CEACAM20: variants seen among roughly 807,000 people sequenced by gnomAD.
The protein encoded by CEACAM20 is cell adhesion molecule CEACAM20.
In CEACAM20, 50 loss-of-function variants were observed where a neutral mutation model predicts 61.2. The ratio of observed to expected loss-of-function variants is 0.82; its 90% CI spans 0.65 to 1.03. The LOEUF is 1.03. CEACAM20 is among the 50% of genes least tolerant of loss of function. The pLI is 0.00. For synonymous variants in CEACAM20, 282 were observed against 287.7 expected (o/e 0.98, Z 0.20); for missense variants, 683 against 736.4 (o/e 0.93, Z 0.84).
intron 11 of CEACAM20, among the ~76,000 whole-genome samples, chr19:44,507,133 A>G (rs1414412250): frequency 1.3e-5 from 2 of 152,174 alleles, no homozygotes; most frequent in Non-Finnish European, 2.9e-5. Flanking sequence ...GGGAATGTTA[A>G]TGTACCACTT....
chr19:44,519,031 T>C (rs1971274555), intron 5 of CEACAM20, among the ~76,000 whole-genome samples: 1 of 152,176 alleles, frequency 6.6e-6, no homozygotes, highest in African/African-American at 2.4e-5. Context: ...CCATCCTTGT[T>C]ACACTCTCTC....
In CEACAM20 at chr19:44,522,709, C is replaced by T. The variant is rs766649226; in HGVS notation, c.676G>A (p.Gly226Ser). 18 of 1,613,658 alleles carry T rather than the reference C, an allele frequency of 1.1e-5. 1 individual carries two copies. In the South Asian group the frequency reaches 1.8e-4, roughly 16 times the overall value. Residue 226 changes from glycine (G) to serine (S), a missense_variant, in exon 4 of 12, where the codon GGC (glycine) becomes AGC (serine). Physicochemically the swap from Gly to Ser is moderately conservative, Grantham distance 56. Transcript: ENST00000614924. ...TIHAVSREHE[G>S]LYRCLVSNSA... ...TTGGACACCAAGCACCTGTACAGGC[C>T]CTCATGTTCTCTGGACACAGCATGG...
intron 11 of CEACAM20, among the ~76,000 whole-genome samples, chr19:44,509,375 A>C (rs963514303): frequency 6.6e-6 from 1 of 151,970 alleles, no homozygotes; most frequent in Non-Finnish European, 1.5e-5. Flanking sequence ...AAAAAAACAG[A>C]AAAGGGGGGA....
rs1971323451 is a variant in CEACAM20, at chr19:44,520,526, G to A, written c.978C>T (p.Val326=). 1.2e-6 allele frequency: 2 copies of A among 1,613,954 alleles called. No homozygotes were observed. The highest frequency in any genetic ancestry group is 1.7e-6 in the Non-Finnish European group (2 of 1,179,908). Residue 326 remains valine, a synonymous_variant, in exon 5 of 12, where the codon GTC becomes GTT. Transcript: ENST00000614924. ...TCCGGGCCCGGCTGCCCCAGTTCCA[G>A]ACCTCACAGGCATAGGGCCCGGTGT... is the stretch of plus-strand genomic sequence containing the variant. ...RNDTGPYACE[V]WNWGSRARSE...
At chr19:44,510,912 G>A in intron 11 of CEACAM20, 118 bp downstream of exon 11, 1 of 1,263,608 alleles carries the variant, frequency 7.9e-7, no homozygotes, top group Admixed American at 2.5e-5. Context: ...GAATTGAGAA[G>A]ATTTTTAAAG....
intron 5 of CEACAM20, among the ~76,000 whole-genome samples, chr19:44,518,083 AAAGAAAGAAAGAAAGAAAGAAAGGAAGG>A (rs1971226025): frequency 1.1e-5 from 1 of 89,576 alleles, no homozygotes; most frequent in Non-Finnish European, 1.9e-5. Flanking sequence ...AGGAAAGAGG[AAAGAAAGAAAGAAAGAAAGAAAGGAAGG>A]AAGGAAGGAA....
Position 44,524,148 on chromosome 19 carries a change from T to G in CEACAM20, c.310A>C (p.Asn104His), listed in dbSNP as rs762752235. 6.5e-5 allele frequency: 105 copies of G among 1,613,622 alleles called. 1 individual carries two copies. The highest frequency in any genetic ancestry group is 8.5e-7 in the Non-Finnish European group (1 of 1,179,806). Residue 104 changes from asparagine (N) to histidine (H), a missense_variant, in exon 3 of 12, where the codon AAC becomes CAC. Asn to His is a moderately conservative substitution (Grantham distance 68). Coordinates refer to ENST00000614924, the MANE Select transcript of CEACAM20 (RefSeq NM_001102597.3). ...TCATGGAACACAATGGAGAGGTTGT[T>G]GGAAACCCAGTGGATGGTAATGTTG... is the stretch of plus-strand genomic sequence containing the variant. Reference protein sequence around the residue: ...DVNITIHWVSNNLSIVFHERM... With the variant: ...DVNITIHWVSHNLSIVFHERM...
At chr19:44,514,294 C>G (rs1971091822) in intron 6 of CEACAM20, among the ~76,000 whole-genome samples, 1 of 152,198 alleles carries the variant, frequency 6.6e-6, no homozygotes, top group South Asian at 2.1e-4. Context: ...GCCCATCTCA[C>G]TTCTGCCTGA....
chr19:44,516,818 T>G, intron 6 of CEACAM20, 128 bp downstream of exon 6: 1 of 1,034,238 alleles, frequency 9.7e-7, no homozygotes, highest in South Asian at 1.6e-5. Flanking sequence ...AGCTGTGGAC[T>G]GAGAACCTGC....
At chr19:44,523,014 C>T in intron 3 of CEACAM20, 102 bp from the exon 4 acceptor site, 3 of 1,005,636 alleles carry the variant, frequency 3.0e-6, no homozygotes, top group South Asian at 3.2e-5. Context: ...CCCTCCTCCC[C>T]ACTCAAAGGC....
chr19:44,522,474 A>G (rs1971394341), intron 4 of CEACAM20, among the ~76,000 whole-genome samples, 160 bp downstream of exon 4: 1 of 152,110 alleles, frequency 6.6e-6, no homozygotes, highest in African/African-American at 2.4e-5. Flanking sequence ...TTCCTCTAGA[A>G]CACAGCGCAA....
At position 44,524,171 on chromosome 19, in the gene CEACAM20, T is replaced by C. The variant is rs1410200755; in HGVS notation, c.287A>G (p.Asn96Ser). The C allele has an allele frequency of 3.7e-6, 6 of 1,613,862 alleles. No individual in the cohort carries two copies. The highest frequency in any genetic ancestry group is 8.5e-7 in the Non-Finnish European group (1 of 1,179,884). The change falls in exon 3 of 12, where the codon AAC (asparagine) becomes AGC (serine). Residue 96 changes from asparagine to serine, a missense_variant. Physicochemically the swap from Asn to Ser is conservative, Grantham distance 46 (BLOSUM62 1). Coordinates refer to ENST00000614924, the MANE Select transcript of CEACAM20 (RefSeq NM_001102597.3). ...GTTGGAAACCCAGTGGATGGTAATG[T>C]TGACGTCCTTAGTGGTGCAGTAGAA... The part of the protein sequence containing the change: ...VTFYCTTKDV[N>S]ITIHWVSNNL...
At chr19:44,518,102 G>GAA (rs1971231896) in intron 5 of CEACAM20, among the ~76,000 whole-genome samples, 1 of 93,300 alleles carries the variant, frequency 1.1e-5, no homozygotes, top group Non-Finnish European at 1.9e-5. Flanking sequence ...AAGAAAGAAA[G>GAA]AAAGGAAGGA....
In CEACAM20 at chr19:44,508,836, T is replaced by A. The variant is rs550109009; in HGVS notation, c.1737+2194A>T. 2.0e-5 allele frequency among the ~76,000 whole-genome samples: 3 copies of A among 152,350 alleles called. No individual in the cohort carries two copies. The South Asian group carries it at 6.2e-4, about 32-fold the overall frequency. On this transcript the variant is annotated intron_variant, in intron 11 of 11. Transcript: ENST00000614924. ...ACTTTTTACCCATATATTGACTTCT[T>A]GCTATTGTTAAAAATATTTTTTCTG...
chr19:44,523,805 T>C (rs77615597), intron 3 of CEACAM20, among the ~76,000 whole-genome samples, 181 bp downstream of exon 3: 1 of 152,098 alleles, frequency 6.6e-6, no homozygotes, highest in African/African-American at 2.4e-5. Context: ...TGTACCTCGT[T>C]TGCTTCACAT....
At chr19:44,519,980 C>G (rs1414863857) in intron 5 of CEACAM20, among the ~76,000 whole-genome samples, 1 of 152,210 alleles carries the variant, frequency 6.6e-6, no homozygotes, top group Non-Finnish European at 1.5e-5. Context: ...CTCTGTCCCT[C>G]ACCCTGTCAC....
rs550021206 is a variant in CEACAM20 at position 44,523,577 on chromosome 19, G to A, written c.472+409C>T. On this transcript the variant is annotated intron_variant, in intron 3 of 11. Coordinates refer to ENST00000614924, the MANE Select transcript of CEACAM20 (RefSeq NM_001102597.3). The stretch of plus-strand genomic sequence containing the variant: ...GCATACAGGCATGAGCCATTGCACC[G>A]GGCTAATTTTTAAATTTTTTGTAGA... 2.0e-4 allele frequency among the ~76,000 whole-genome samples: 30 copies of A among 151,910 alleles called. No homozygotes were observed. In the South Asian group the frequency reaches 2.9e-3, roughly 15 times the overall value.
chr19:44,526,824 A>T (rs1273105810), intron 1 of CEACAM20, among the ~76,000 whole-genome samples: 2 of 145,776 alleles, frequency 1.4e-5, no homozygotes, highest in Admixed American at 6.8e-5. Flanking sequence ...TCGTGAGCCG[A>T]GATTGTGCCA....
chr19:44,513,048 C>T, intron 7 of CEACAM20, 95 bp from the exon 8 acceptor site: 2 of 1,325,116 alleles, frequency 1.5e-6, no homozygotes, highest in Non-Finnish European at 2.1e-6. Context: ...GAACAATGCC[C>T]ACAACCCTCT....
Sources: allele counts gnomAD v4.1 joint callset (sites outside exome capture counted in the v4.1 genomes callset), GRCh38; gene constraint gnomAD v4.1.1; transcripts MANE v1.5; gene names NCBI Gene and HGNC (gene_info 2026-07-23, HGNC 2026-07-21).